Variants in MYH10 observed in about 807,000 individuals in gnomAD.
MYH10 encodes myosin-10.
A neutral mutation model predicts 257.8 loss-of-function variants in MYH10; 55 were observed. The observed-to-expected ratio is 0.21, with a 90% CI of 0.17 to 0.27. The LOEUF (loss-of-function observed/expected upper bound fraction) is 0.27. Among genes scored for constraint, MYH10 ranks in the 10% least tolerant of loss-of-function variants. The pLI, the probability that MYH10 is intolerant of heterozygous loss-of-function variation, is 1.00. For missense variants in MYH10, 1,631 were observed against 2,500.6 expected, an observed-to-expected ratio of 0.65 and a Z score of 7.42; for synonymous variants, 854 against 921.7, an observed-to-expected ratio of 0.93 and a Z score of 1.33.
chr17:8,538,776 T>A (rs943714648), intron 14 of MYH10, among the ~76,000 whole-genome samples: 2 of 152,184 alleles, frequency 1.3e-5, no homozygotes, highest in African/African-American at 4.8e-5. Flanking sequence ...TGTCTGGGCA[T>A]AACTGGTGAC....
chr17:8,513,638 T>A lies in MYH10; in HGVS notation c.2645A>T (p.Glu882Val). Residue 882 changes from glutamate to valine, a missense_variant, in exon 23 of 43, where the codon GAG becomes GTG. Glu to Val is a moderately radical substitution (Grantham distance 121, BLOSUM62 -2). Around this residue, in one of 11 missense-constraint regions of MYH10, gnomAD observed 116 missense variants for 221.6 expected, o/e 0.52. Coordinates refer to ENST00000360416, the MANE Select transcript of MYH10 (RefSeq NM_001256012.3). ...TTCATCTTTGGCCTGAAGTTCTTCC[T>A]CCTGGCGAGTCACTTGTAGAAGCGG... is the stretch of plus-strand genomic sequence containing the variant. ...VKPLLQVTRQ[E>V]EELQAKDEEL... 1 of 1,613,974 alleles carries A rather than the reference T, an allele frequency of 6.2e-7. No homozygotes were observed. Among genetic ancestry groups the A allele is most frequent in the Non-Finnish European group, 8.5e-7 (1 of 1,180,034 alleles).
intron 30 of MYH10, among the ~76,000 whole-genome samples, chr17:8,498,699 T>C (rs1917059884): frequency 6.6e-6 from 1 of 151,916 alleles, no homozygotes; most frequent in African/African-American, 2.4e-5. Context: ...ATTCAAAAAA[T>C]TAGCCGGACA....
intron 36 of MYH10, 143 bp from the exon 37 acceptor site, chr17:8,484,409 T>A: frequency 1.5e-6 from 1 of 669,494 alleles, no homozygotes; most frequent in Non-Finnish European, 2.4e-6. Context: ...ATTACAAGTG[T>A]GAGCTGCGGT....
At chr17:8,570,100 T>C (rs2083287963) in intron 6 of MYH10, among the ~76,000 whole-genome samples, 1 of 152,176 alleles carries the variant, frequency 6.6e-6, no homozygotes. Flanking sequence ...AGGCAGAGAA[T>C]TTTGAAAATA....
chr17:8,476,046 C>T lies in MYH10; in HGVS notation c.5880-98G>A, dbSNP rs912558710. 1.1e-5 allele frequency: 15 copies of T among 1,370,288 alleles called. No individual in the cohort carries two copies. The African/African-American group carries it at 1.3e-4, about 12-fold the overall frequency. The allele number at this position is 1,370,288 out of a possible 1,614,324, so 84.9% of individuals were successfully genotyped here. A position where few individuals can be genotyped will look rare whatever the true frequency, so the allele number is the denominator to read the frequency against. On this transcript the variant is annotated intron_variant, in intron 42 of 42. Transcript: ENST00000360416. ...TCAATGCCACGGAACCTTCCCCTTG[C>T]ACCCCCTCCTCGGACACACGACCTT...
chr17:8,600,123 A>C (rs1225839811), intron 3 of MYH10, among the ~76,000 whole-genome samples: 1 of 152,242 alleles, frequency 6.6e-6, no homozygotes, highest in Non-Finnish European at 1.5e-5. Context: ...TTATGTGAGC[A>C]TAACTCCAGA....
At chr17:8,629,915 C>CGGAG (rs2072655818) in intron 1 of MYH10, among the ~76,000 whole-genome samples, 1 of 151,924 alleles carries the variant, frequency 6.6e-6, no homozygotes, top group Non-Finnish European at 1.5e-5. Context: ...TCCGACCCTC[C>CGGAG]CCACGCCCGC....
At position 8,492,899 on chromosome 17, in the gene MYH10, C is replaced by T. The variant is rs764896521; in HGVS notation, c.4335G>A (p.Ala1445=). Residue 1445 remains alanine, a synonymous_variant, in exon 33 of 43, where the codon GCG becomes GCA. Coordinates refer to ENST00000360416, the MANE Select transcript of MYH10 (RefSeq NM_001256012.3). ...TCTTGGTCTTCTCCAGTTTGTCATA[C>T]GCCAGTGCCTTCTCCTCCAGGCGCT... ...LSQRLEEKAL[A]YDKLEKTKNR... The T allele has an allele frequency of 6.0e-5, 97 of 1,613,976 alleles. No homozygotes were observed. Among genetic ancestry groups the T allele is most frequent in the Non-Finnish European group, 7.7e-5 (91 of 1,180,024 alleles).
At chr17:8,621,422 C>T (rs894772173) in intron 2 of MYH10, among the ~76,000 whole-genome samples, 14 of 152,206 alleles carry the variant, frequency 9.2e-5, no homozygotes, top group Middle Eastern at 3.4e-3. Context: ...CTGAATCCCC[C>T]TCTCACTGTG....
intron 6 of MYH10, among the ~76,000 whole-genome samples, chr17:8,575,874 G>T (rs1241159836): frequency 6.6e-6 from 1 of 152,064 alleles, no homozygotes. Flanking sequence ...TATGATTCTT[G>T]CTTTTTTCAC....
chr17:8,614,307 C>CT (rs35801623), intron 2 of MYH10, among the ~76,000 whole-genome samples: 3,079 of 77,048 alleles, frequency 0.04, 729 homozygotes, highest in African/African-American at 0.096. Flanking sequence ...CAATTCACTT[C>CT]TTTTTTTTTT....
At chr17:8,500,729 A>T (rs1225099554) in intron 29 of MYH10, 97 bp downstream of exon 29, 2 of 1,421,628 alleles carry the variant, frequency 1.4e-6, no homozygotes, top group East Asian at 2.4e-5. Flanking sequence ...GCTGGAGCCT[A>T]ATCAATACAT....
At chr17:8,482,229 C>G (rs1421379449) in intron 37 of MYH10, among the ~76,000 whole-genome samples, 2 of 152,222 alleles carry the variant, frequency 1.3e-5, no homozygotes, top group East Asian at 3.8e-4. Context: ...ACTCCCTGTC[C>G]AGGGCTCTTC....
chr17:8,560,379 G>A (rs955016046), intron 7 of MYH10: 7 of 277,294 alleles, frequency 2.5e-5, no homozygotes, highest in South Asian at 4.5e-5. Context: ...CTACCTTCAC[G>A]GGACATTAAA....
chr17:8,518,104 C>CGTGTGTGTGTGTGTGTGTGT (rs58352961), intron 21 of MYH10, among the ~76,000 whole-genome samples: 1 of 116,516 alleles, frequency 8.6e-6, no homozygotes, highest in Non-Finnish European at 1.7e-5. Flanking sequence ...CCCTTGGCCC[C>CGTGTGTGTGTGTGTGTGTGT]GTGTGTGTGT....
At chr17:8,556,342 A>G (rs2082796435) in intron 7 of MYH10, among the ~76,000 whole-genome samples, 1 of 152,242 alleles carries the variant, frequency 6.6e-6, no homozygotes, top group Non-Finnish European at 1.5e-5. Flanking sequence ...TTTATTCTTA[A>G]TAGCCCTAAA....
At position 8,542,109 on chromosome 17, in the gene MYH10, G is replaced by T. The variant is rs2082306945; in HGVS notation, c.1603C>A (p.Pro535Thr). The part of the protein sequence containing the change: ...LQPCIDLIER[P>T]ANPPGVLALL... ...AGCGAGCAAGTGAGCACTCTTACAG[G>T]TCTCTCTATTAGGTCGATGCATGGC... Residue 535 changes from proline to threonine, a missense_variant and splice_region_variant, in exon 14 of 43, where the codon CCT becomes ACT. This residue lies in a region of MYH10 where 63 missense variants were observed against 167.9 expected (regional missense o/e 0.38). Transcript: ENST00000360416. The T allele has an allele frequency of 1.2e-6, 2 of 1,612,642 alleles. No individual in the cohort carries two copies. The highest frequency in any genetic ancestry group is 1.7e-6 in the Non-Finnish European group (2 of 1,179,236).
rs1463781849 is a variant in MYH10, at chr17:8,475,141, T to A, written c.*663A>T. The A allele has an allele frequency of 1.3e-5, 2 of 152,622 alleles. No homozygotes were observed. 9.5% of individuals were successfully genotyped at this position (152,622 alleles called of 1,614,324 possible). On this transcript the variant is annotated 3_prime_UTR_variant, in exon 43 of 43. Transcript: ENST00000360416. ...ACAGACCAGCCCTCGCCAAGGCCAGTTCACATGAGTAGATGCGGGACACCA... is the reference window on the plus strand; with the variant it reads ...ACAGACCAGCCCTCGCCAAGGCCAGATCACATGAGTAGATGCGGGACACCA...
intron 40 of MYH10, 103 bp from the exon 41 acceptor site, chr17:8,478,549 G>T: frequency 9.6e-7 from 1 of 1,042,056 alleles, no homozygotes; most frequent in Non-Finnish European, 1.5e-6. Flanking sequence ...GACACATGGT[G>T]GAGGCATTAT....
Sources: allele counts gnomAD v4.1 joint callset (sites outside exome capture counted in the v4.1 genomes callset), GRCh38; gene constraint gnomAD v4.1.1; regional missense constraint gnomAD v4.1.1; transcripts MANE v1.5; gene names NCBI Gene and HGNC (gene_info 2026-07-23, HGNC 2026-07-21).